Variants in RRP12 observed in about 807,000 individuals in gnomAD.
The protein encoded by RRP12 is RRP12-like protein.
RRP12 carries 78 observed loss-of-function variants against 157.3 expected under a neutral mutation model. That is an observed-to-expected ratio of 0.50 (90% CI 0.41 to 0.60). The LOEUF (loss-of-function observed/expected upper bound fraction) is 0.60. Among genes scored for constraint, RRP12 ranks in the 20% least tolerant of loss-of-function variants. RRP12 has a pLI of 0.00. For synonymous variants in RRP12, 726 were observed against 670.9 expected (o/e 1.08, Z -1.27); for missense variants, 1,521 against 1,679.9 (o/e 0.91, Z 1.65).
intron 25 of RRP12, among the ~76,000 whole-genome samples, chr10:97,367,819 C>T (rs763830480): frequency 6.6e-6 from 1 of 152,154 alleles, no homozygotes; most frequent in African/African-American, 2.4e-5. Flanking sequence ...GCAACCTCCA[C>T]CTCCTGGGTT....
intron 2 of RRP12, among the ~76,000 whole-genome samples, chr10:97,398,629 A>G (rs11814021): frequency 0.37 from 56,373 of 150,628 alleles, 10,966 homozygotes; most frequent in African/African-American, 0.48. Flanking sequence ...TTACAGGTGT[A>G]AGCCACTATG....
intron 2 of RRP12, among the ~76,000 whole-genome samples, chr10:97,397,149 T>TTTGTTG (rs937996715): frequency 1.3e-5 from 2 of 151,742 alleles, no homozygotes; most frequent in African/African-American, 4.8e-5. Flanking sequence ...ATACTGTATT[T>TTTGTTG]TTGTTGTTGT....
At chr10:97,364,594 G>A (rs1418169306) in intron 29 of RRP12, among the ~76,000 whole-genome samples, 8 of 152,252 alleles carry the variant, frequency 5.3e-5, no homozygotes, top group African/African-American at 1.9e-4. Context: ...GCGCACGCCT[G>A]TAGTCCCCGA....
intron 15 of RRP12, 117 bp from the exon 16 acceptor site, chr10:97,374,011 C>G: frequency 1.3e-6 from 1 of 752,564 alleles, no homozygotes; most frequent in Non-Finnish European, 2.3e-6. Flanking sequence ...GACTTCCCCC[C>G]ATCTCCATGA....
chr10:97,372,345 C>G (rs760875100), intron 19 of RRP12, among the ~76,000 whole-genome samples, 179 bp from the exon 20 acceptor site: 6 of 152,158 alleles, frequency 3.9e-5, no homozygotes, highest in Admixed American at 2.0e-4. Flanking sequence ...CATGATGTAC[C>G]AGTCACCGTT....
chr10:97,394,849 A>T (rs889522446), intron 3 of RRP12, among the ~76,000 whole-genome samples: 2 of 152,184 alleles, frequency 1.3e-5, no homozygotes, highest in Non-Finnish European at 2.9e-5. Flanking sequence ...TTCTTTAAAA[A>T]TGTAATAACC....
At chr10:97,359,913 C>G (rs578109248) in intron 31 of RRP12, among the ~76,000 whole-genome samples, 1 of 152,338 alleles carries the variant, frequency 6.6e-6, no homozygotes, top group East Asian at 1.9e-4. Context: ...TGAGGACACA[C>G]CAGCTACTGG....
chr10:97,381,840 A>C lies in RRP12; in HGVS notation c.1209-14T>G. On this transcript the variant is annotated splice_polypyrimidine_tract_variant and intron_variant, in intron 10 of 33. Coordinates refer to ENST00000370992, the MANE Select transcript of RRP12 (RefSeq NM_015179.4). ...TCCCACTGCAACCTGTCAAGACAAA[A>C]GGTTTCTGTGGGGCCTGGCCTGAGC... 6.2e-7 allele frequency: 1 copy of C among 1,605,144 alleles called. No individual in the cohort carries two copies. Among genetic ancestry groups the C allele is most frequent in the Non-Finnish European group, 8.5e-7 (1 of 1,172,372 alleles).
At position 97,357,006 on chromosome 10, in the gene RRP12, TC is replaced by T; in HGVS notation, c.*87del. 1.4e-6 allele frequency: 1 copy of T among 728,606 alleles called. No individual in the cohort carries two copies. Among genetic ancestry groups the T allele is most frequent in the South Asian group, 1.7e-5 (1 of 59,740 alleles). 45.1% of individuals were successfully genotyped at this position (728,606 alleles called of 1,614,324 possible). On this transcript the variant is annotated 3_prime_UTR_variant, in exon 34 of 34. Coordinates refer to ENST00000370992, the MANE Select transcript of RRP12 (RefSeq NM_015179.4). ...ATCCTGAGTCCAGGCTCTGCCAGAA[TC>T]TTGAGCACCTGGAGCTGGTGGCAAG... is the stretch of plus-strand genomic sequence containing the variant.
intron 15 of RRP12, among the ~76,000 whole-genome samples, chr10:97,375,737 C>T (rs1423464298): frequency 1.3e-5 from 2 of 152,022 alleles, no homozygotes; most frequent in African/African-American, 4.8e-5. Context: ...TTTTTAATAT[C>T]AGGAAAAACT....
At chr10:97,395,092 A>C (rs1378567999) in intron 3 of RRP12, among the ~76,000 whole-genome samples, 2 of 151,870 alleles carry the variant, frequency 1.3e-5, no homozygotes, top group Admixed American at 1.3e-4. Flanking sequence ...GCAGTGAGCC[A>C]TGATCACACC....
intron 9 of RRP12, among the ~76,000 whole-genome samples, chr10:97,385,558 A>C (rs1844607892): frequency 6.6e-6 from 1 of 151,856 alleles, no homozygotes. Context: ...TTTTGCTAAC[A>C]ATTTGGGGGA....
At chr10:97,367,551 T>A (rs1844024563) in intron 25 of RRP12, among the ~76,000 whole-genome samples, 1 of 152,176 alleles carries the variant, frequency 6.6e-6, no homozygotes, top group Non-Finnish European at 1.5e-5. Flanking sequence ...ATGCTGCGGC[T>A]CCCGCTTTGC....
chr10:97,367,565 T>C (rs887881938), intron 25 of RRP12, among the ~76,000 whole-genome samples: 1 of 152,204 alleles, frequency 6.6e-6, no homozygotes, highest in African/African-American at 2.4e-5. Context: ...GCTTTGCCCC[T>C]AGCACCCCAA....
At chr10:97,378,405 T>C (rs370086224) in intron 15 of RRP12, among the ~76,000 whole-genome samples, 6 of 152,346 alleles carry the variant, frequency 3.9e-5, no homozygotes, top group Admixed American at 1.3e-4. Context: ...TACTGAGTGC[T>C]GCAACTGTAA....
At chr10:97,394,541 C>T (rs1475771386) in intron 3 of RRP12, among the ~76,000 whole-genome samples, 1 of 152,066 alleles carries the variant, frequency 6.6e-6, no homozygotes. Flanking sequence ...AGGCATGCGC[C>T]ACAAAGCTTG....
intron 3 of RRP12, 31 bp downstream of exon 3, chr10:97,396,187 G>C: frequency 6.6e-7 from 1 of 1,514,996 alleles, no homozygotes; most frequent in Non-Finnish European, 9.2e-7. Flanking sequence ...CTGCTGCTCT[G>C]AACACCCACC....
rs771718520 is a variant in RRP12, at chr10:97,400,970, A to C, written c.139+123T>G. 2.9e-5 allele frequency: 36 copies of C among 1,225,742 alleles called. No individual in the cohort carries two copies. The African/African-American group carries it at 5.3e-4, about 18-fold the overall frequency. The allele number at this position is 1,225,742 out of a possible 1,614,324, so 75.9% of individuals were successfully genotyped here. On this transcript the variant is annotated intron_variant, in intron 1 of 33. Transcript: ENST00000370992. The stretch of plus-strand genomic sequence containing the variant: ...CCCTTCAGAGAGGGCTCCAGATCCG[A>C]CATCCTAAGAGACGAAAGGTCCAAT...
intron 33 of RRP12, among the ~76,000 whole-genome samples, chr10:97,357,901 G>A (rs1335542551): frequency 6.6e-6 from 1 of 150,936 alleles, no homozygotes; most frequent in Non-Finnish European, 1.5e-5. Flanking sequence ...AGAGCTTGCA[G>A]TAAGCCGAGA....
Sources: allele counts gnomAD v4.1 joint callset (sites outside exome capture counted in the v4.1 genomes callset), GRCh38; gene constraint gnomAD v4.1.1; transcripts MANE v1.5; gene names NCBI Gene and HGNC (gene_info 2026-07-23, HGNC 2026-07-21).